The following HDGFL3 variants were observed in gnomAD, a reference collection of about 807,000 sequenced individuals.
The protein encoded by HDGFL3 is HDGF like 3.
In HDGFL3, 6 loss-of-function variants were observed where a neutral mutation model predicts 27.6. That is an observed-to-expected ratio of 0.22 (90% CI 0.12 to 0.43). HDGFL3 has a LOEUF of 0.43. Among genes scored for constraint, HDGFL3 ranks in the 20% least tolerant of loss-of-function variants. The pLI, the probability that HDGFL3 is intolerant of heterozygous loss-of-function variation, is 1.00. For synonymous variants in HDGFL3, 88 were observed against 88.9 expected, an observed-to-expected ratio of 0.99 and a Z score of 0.05; for missense variants, 207 against 250.1, an observed-to-expected ratio of 0.83 and a Z score of 1.16.
rs142106451 is a variant in HDGFL3, at chr15:83,161,214, A to G, written c.161+2785T>C. The stretch of plus-strand genomic sequence containing the variant: ...TGCTAATCAGGGCTTGCCTATACTT[A>G]TTTTTTTGGGCAGGGGAGAAAGGGT... On this transcript the variant is annotated intron_variant, in intron 2 of 5. Coordinates refer to ENST00000299633, the MANE Select transcript of HDGFL3 (RefSeq NM_016073.4). Among the ~76,000 whole-genome samples the G allele has an allele frequency of 5.9e-5, 9 of 152,168 alleles. No individual in the cohort carries two copies. The East Asian group carries it at 1.7e-3, about 29-fold the overall frequency.
intron 2 of HDGFL3, among the ~76,000 whole-genome samples, chr15:83,160,925 A>C (rs764255952): frequency 6.6e-6 from 1 of 152,166 alleles, no homozygotes; most frequent in Non-Finnish European, 1.5e-5. Context: ...CTTATTGTTC[A>C]CCTTTAATTG....
At chr15:83,203,606 A>G (rs2037678835) in intron 1 of HDGFL3, among the ~76,000 whole-genome samples, 1 of 152,080 alleles carries the variant, frequency 6.6e-6, no homozygotes, top group African/African-American at 2.4e-5. Context: ...TCTCTTCGGA[A>G]GTTAAGAACA....
chr15:83,157,294 G>T, intron 4 of HDGFL3, 121 bp downstream of exon 4: 1 of 988,166 alleles, frequency 1.0e-6, no homozygotes, highest in Non-Finnish European at 1.5e-6. Context: ...TGTCCCTAAA[G>T]GCAGAGGCTC....
intron 1 of HDGFL3, among the ~76,000 whole-genome samples, chr15:83,195,693 A>G (rs1174636137): frequency 6.6e-6 from 1 of 152,158 alleles, no homozygotes; most frequent in Non-Finnish European, 1.5e-5. Context: ...TTAAAAAGTA[A>G]AAGTTTCAAT....
chr15:83,159,805 A>T (rs2037075566), intron 2 of HDGFL3, among the ~76,000 whole-genome samples: 1 of 152,214 alleles, frequency 6.6e-6, no homozygotes, highest in Admixed American at 6.5e-5. Flanking sequence ...CTAGAGTGAA[A>T]TGAGTGAAGG....
intron 1 of HDGFL3, among the ~76,000 whole-genome samples, chr15:83,189,009 C>T (rs1473785475): frequency 6.6e-6 from 1 of 151,986 alleles, no homozygotes; most frequent in African/African-American, 2.4e-5. Flanking sequence ...TTGATTTATT[C>T]CTCCCCCTCA....
intron 1 of HDGFL3, chr15:83,179,047 T>C (rs2037348654): frequency 6.6e-6 from 1 of 152,224 alleles, no homozygotes; most frequent in Non-Finnish European, 1.5e-5. Flanking sequence ...AGTTCCTACT[T>C]ATCCCCAAGT....
chr15:83,138,856 A>G lies in HDGFL3; in HGVS notation c.*414T>C, dbSNP rs566728351. On this transcript the variant is annotated 3_prime_UTR_variant, in exon 6 of 6. Transcript: ENST00000299633. The stretch of plus-strand genomic sequence containing the variant: ...TCCTGGGTTCTGTCACAGAGAGGAA[A>G]TTCCATTCTTAAGCATTATGTTGAG... 1 of 154,608 alleles carries G rather than the reference A, an allele frequency of 6.5e-6. No individual in the cohort carries two copies. The highest frequency in any genetic ancestry group is 2.4e-5 in the African/African-American group (1 of 41,714). 9.6% of individuals were successfully genotyped at this position (154,608 alleles called of 1,614,324 possible).
intron 1 of HDGFL3, among the ~76,000 whole-genome samples, chr15:83,183,345 G>A (rs146541925): frequency 2.2e-4 from 34 of 152,248 alleles, no homozygotes; most frequent in African/African-American, 7.0e-4. Context: ...AACAAAAATC[G>A]TAGAGTGAAA....
Position 83,207,370 on chromosome 15 carries a change from G to A in HDGFL3, c.45C>T (p.Val15=). 7.1e-7 allele frequency: 1 copy of A among 1,403,838 alleles called. No individual in the cohort carries two copies. The highest frequency in any genetic ancestry group is 2.7e-5 in the Admixed American group (1 of 36,506). The allele number at this position is 1,403,838 out of a possible 1,614,324, so 87.0% of individuals were successfully genotyped here. ...GCGGGTAGCCCTTCATCTTGGCGAAGACCAGGTCGCCCGCTTTGTACTCGC... is the reference window on the plus strand; with the variant it reads ...GCGGGTAGCCCTTCATCTTGGCGAAAACCAGGTCGCCCGCTTTGTACTCGC... The part of the protein sequence containing the change: ...RPREYKAGDL[V]FAKMKGYPHW... Residue 15 remains valine (V), a synonymous_variant, in exon 1 of 6, where the codon GTC becomes GTT. Coordinates refer to ENST00000299633, the MANE Select transcript of HDGFL3 (RefSeq NM_016073.4). The surrounding 1 kb of genome is among the most constrained non-coding windows in gnomAD (Gnocchi z 4.8).
Position 83,147,326 on chromosome 15 carries a change from CT to C in HDGFL3, c.606+3888del, listed in dbSNP as rs1162572539. 3.9e-5 allele frequency among the ~76,000 whole-genome samples: 6 copies of C among 152,256 alleles called. No individual in the cohort carries two copies. The East Asian group carries it at 1.2e-3, about 29-fold the overall frequency. On this transcript the variant is annotated intron_variant, in intron 5 of 5. Coordinates refer to ENST00000299633, the MANE Select transcript of HDGFL3 (RefSeq NM_016073.4). ...CCATCTGCCTCGGCCTCCCAAAGTG[CT>C]GGGACTACAGGTGTGAGCCACCGCA...
In HDGFL3 at chr15:83,207,012, C is replaced by T. The variant is rs541269310; in HGVS notation, c.84+319G>A. ...CCCTGCCCGGAGCCGAAGCCTCCGTCGCAGGCCCGCTGCCCGGCGGCGTGG... is the reference window on the plus strand; with the variant it reads ...CCCTGCCCGGAGCCGAAGCCTCCGTTGCAGGCCCGCTGCCCGGCGGCGTGG... On this transcript the variant is annotated intron_variant, in intron 1 of 5. Transcript: ENST00000299633. The surrounding 1 kb of genome is among the most constrained non-coding windows in gnomAD (Gnocchi z 4.8). Among the ~76,000 whole-genome samples, 1 of 152,218 alleles carries T rather than the reference C, an allele frequency of 6.6e-6. No individual in the cohort carries two copies. The highest frequency in any genetic ancestry group is 6.5e-5 in the Admixed American group (1 of 15,290).
At chr15:83,173,575 A>C (rs1266917258) in intron 1 of HDGFL3, among the ~76,000 whole-genome samples, 1 of 152,084 alleles carries the variant, frequency 6.6e-6, no homozygotes, top group Non-Finnish European at 1.5e-5. Flanking sequence ...TTCTCTTTCT[A>C]ATCTAGCGAT....
chr15:83,152,327 G>A (rs1272099023), intron 4 of HDGFL3, among the ~76,000 whole-genome samples: 7 of 151,760 alleles, frequency 4.6e-5, no homozygotes, highest in Non-Finnish European at 8.8e-5. Flanking sequence ...AGGCTGAGGC[G>A]GGTGGATCAC....
intron 1 of HDGFL3, among the ~76,000 whole-genome samples, chr15:83,176,744 G>A (rs571452399): frequency 7.2e-5 from 11 of 151,980 alleles, no homozygotes; most frequent in South Asian, 2.1e-4. Flanking sequence ...TGGTTCCTGC[G>A]GATGGGTTGC....
At chr15:83,159,547 G>GT (rs2037072379) in intron 2 of HDGFL3, among the ~76,000 whole-genome samples, 2 of 152,132 alleles carry the variant, frequency 1.3e-5, no homozygotes, top group South Asian at 4.1e-4. Flanking sequence ...AAAATATATA[G>GT]TATGTGTGCT....
At chr15:83,194,194 A>G (rs2037544103) in intron 1 of HDGFL3, among the ~76,000 whole-genome samples, 1 of 152,266 alleles carries the variant, frequency 6.6e-6, no homozygotes, top group African/African-American at 2.4e-5. Context: ...ATGAATAAAC[A>G]AAATGTTTTA....
At chr15:83,119,577 G>T in intron 3 of HDGFL3, 1 of 1,613,938 alleles carries the variant, frequency 6.2e-7, no homozygotes, top group South Asian at 1.1e-5. Flanking sequence ...GCTTTCTTTA[G>T]GGTGAACCGT....
In HDGFL3 at chr15:83,207,597, C is replaced by G; in HGVS notation, c.-183G>C. ...GGCAAGGGGTGGGCGGGGGGCGCAGCAGGCCCGGCAAATCACGGCCCGGCA... is the reference window on the plus strand; with the variant it reads ...GGCAAGGGGTGGGCGGGGGGCGCAGGAGGCCCGGCAAATCACGGCCCGGCA... On this transcript the variant is annotated 5_prime_UTR_variant, in exon 1 of 6. Coordinates refer to ENST00000299633, the MANE Select transcript of HDGFL3 (RefSeq NM_016073.4). This position sits in a 1 kb window ranked among gnomAD's most constrained non-coding sequence, Gnocchi z 4.8. The G allele has an allele frequency of 3.0e-6, 1 of 333,920 alleles. No individual in the cohort carries two copies. Among genetic ancestry groups the G allele is most frequent in the Non-Finnish European group, 5.3e-6 (1 of 189,762 alleles). The allele number at this position is 333,920 out of a possible 1,614,324, so 20.7% of individuals were successfully genotyped here.
Sources: gnomAD v4.1 joint callset for allele counts (sites outside exome capture counted in the v4.1 genomes callset) on GRCh38, gnomAD v4.1.1 for gene constraint, Gnocchi (gnomAD v3.1) non-coding constraint, MANE v1.5 for transcripts, NCBI Gene and HGNC (gene_info 2026-07-23, HGNC 2026-07-21) for gene names.